Variants in ACSF2 observed in about 807,000 individuals in gnomAD.
The protein encoded by ACSF2 is acyl-CoA synthetase family member 2.
Under a neutral mutation model 79.3 loss-of-function variants are expected in ACSF2, and 52 were observed. The observed-to-expected ratio is 0.66, with a 90% CI of 0.53 to 0.83. ACSF2 has a LOEUF of 0.83. Ranked by LOEUF, ACSF2 falls within the 40% of genes least tolerant of loss-of-function variation. The pLI, the probability that ACSF2 is intolerant of heterozygous loss-of-function variation, is 0.00. For missense variants in ACSF2, 661 were observed against 803.3 expected (o/e 0.82, Z 2.14); for synonymous variants, 283 against 312.6 (o/e 0.91, Z 1.00).
At chr17:50,468,833 G>A in intron 10 of ACSF2, 2 of 1,477,974 alleles carry the variant, frequency 1.4e-6, no homozygotes, top group Non-Finnish European at 8.9e-7. Context: ...GCCTGGGGCC[G>A]GGGCTGGGGG....
At chr17:50,426,776 G>A (rs1024789633) in intron 1 of ACSF2, 114 of 985,416 alleles carry the variant, frequency 1.2e-4, no homozygotes, top group Non-Finnish European at 1.6e-4. Flanking sequence ...GGCAAACTTG[G>A]GGATCAGCCC....
At position 50,474,443 on chromosome 17, in the gene ACSF2, C is replaced by T; in HGVS notation, c.1798-59C>T. The stretch of plus-strand genomic sequence containing the variant: ...TTTGGCACTAAGAGCCTGAGAAACC[C>T]CTTATTCTTGGGTGAACCAAGACAG... On this transcript the variant is annotated intron_variant, in intron 15 of 15. Transcript: ENST00000300441. The surrounding 1 kb of genome is among the most constrained non-coding windows in gnomAD (Gnocchi z 4.2). 1 of 1,585,150 alleles carries T rather than the reference C, an allele frequency of 6.3e-7. No individual in the cohort carries two copies. The highest frequency in any genetic ancestry group is 1.1e-5 in the South Asian group (1 of 90,374).
intron 1 of ACSF2, among the ~76,000 whole-genome samples, chr17:50,427,157 G>A (rs1915069436): frequency 6.6e-6 from 1 of 152,170 alleles, no homozygotes; most frequent in African/African-American, 2.4e-5. Flanking sequence ...CACTCAACTC[G>A]GCCAGATACT....
chr17:50,468,025 C>G (rs2032850936), intron 10 of ACSF2: 1 of 1,562,228 alleles, frequency 6.4e-7, no homozygotes, highest in East Asian at 2.3e-5. Context: ...GCAGAGCCCA[C>G]AGCCAGGAGC....
chr17:50,431,561 C>A (rs2029927032), intron 1 of ACSF2, among the ~76,000 whole-genome samples: 1 of 152,232 alleles, frequency 6.6e-6, no homozygotes. Flanking sequence ...CTGGTGCCAT[C>A]ATAGCTTGCT....
At chr17:50,470,914 C>A in intron 10 of ACSF2, 114 bp from the exon 11 acceptor site, 4 of 773,048 alleles carry the variant, frequency 5.2e-6, no homozygotes, top group Admixed American at 4.3e-5. Context: ...CACCATTCGG[C>A]TGCCCTCCAC....
chr17:50,454,346 C>T (rs2031862587), intron 1 of ACSF2, among the ~76,000 whole-genome samples: 1 of 151,680 alleles, frequency 6.6e-6, no homozygotes, highest in Non-Finnish European at 1.5e-5. Flanking sequence ...TATCAATCTA[C>T]AAATATCCCA....
At position 50,462,421 on chromosome 17, in the gene ACSF2, C is replaced by T; in HGVS notation, c.628C>T (p.Leu210Phe). The T allele has an allele frequency of 1.2e-6, 2 of 1,613,382 alleles. No homozygotes were observed. The highest frequency in any genetic ancestry group is 8.5e-7 in the Non-Finnish European group (1 of 1,179,832). The change falls in exon 6 of 16, where the codon CTC becomes TTC. Residue 210 changes from leucine (L) to phenylalanine (F), a missense_variant and splice_region_variant. Leu to Phe is a conservative substitution (Grantham distance 22). Transcript: ENST00000300441. ...TCTCACCATCGTCCCCAACCCCAGG[C>T]TCCCAGATCTGACCACAGTCATCTC... ...AQPGALKSQR[L>F]PDLTTVISVD...
chr17:50,435,291 T>G (rs906704290), intron 1 of ACSF2, among the ~76,000 whole-genome samples: 2 of 152,250 alleles, frequency 1.3e-5, no homozygotes, highest in Non-Finnish European at 2.9e-5. Flanking sequence ...TTCAGAGTTC[T>G]GTATGTATTC....
At chr17:50,431,551 C>A (rs763121648) in intron 1 of ACSF2, among the ~76,000 whole-genome samples, 19 of 152,212 alleles carry the variant, frequency 1.2e-4, no homozygotes, top group Non-Finnish European at 2.8e-4. Context: ...GTTGTGAACC[C>A]TGGTGCCATC....
At chr17:50,428,910 C>T (rs1915272428) in intron 1 of ACSF2, among the ~76,000 whole-genome samples, 1 of 152,284 alleles carries the variant, frequency 6.6e-6, no homozygotes, top group African/African-American at 2.4e-5. Context: ...TCAGTCCTCA[C>T]CCTGCCAGGA....
Position 50,473,935 on chromosome 17 carries a change from T to G in ACSF2, c.1659T>G (p.Cys553Trp), listed in dbSNP as rs1488850870. The G allele has an allele frequency of 6.4e-7, 1 of 1,571,926 alleles. No homozygotes were observed. ...ACGATCGGATGGGGGAAGAGATTTG[T>G]GCCTGCATTCGGCTGAAGGACGGGG... Reference protein sequence around the residue: ...VKDDRMGEEICACIRLKDGEE... With the variant: ...VKDDRMGEEIWACIRLKDGEE... Residue 553 changes from cysteine (C) to tryptophan (W), a missense_variant, in exon 14 of 16, where the codon TGT (cysteine) becomes TGG (tryptophan). Physicochemically the swap from Cys to Trp is radical, Grantham distance 215 (BLOSUM62 -2). Transcript: ENST00000300441.
At position 50,463,137 on chromosome 17, in the gene ACSF2, GC is replaced by G; in HGVS notation, c.793-16del. The G allele has an allele frequency of 1.2e-6, 2 of 1,607,970 alleles. No individual in the cohort carries two copies. Among genetic ancestry groups the G allele is most frequent in the Admixed American group, 3.3e-5 (2 of 59,952 alleles). On this transcript the variant is annotated intron_variant, in intron 6 of 15. Transcript: ENST00000300441. The surrounding 1 kb of genome is among the most constrained non-coding windows in gnomAD (Gnocchi z 4.6). ...GGAGATGAGAAGGAGGCCAAGCCAT[GC>G]CCTGTTTGCCTTGTCAGGGGACAAC...
intron 10 of ACSF2, chr17:50,469,108 GC>G (rs1374505300): frequency 9.7e-6 from 11 of 1,133,188 alleles, no homozygotes; most frequent in Middle Eastern, 3.4e-4. Context: ...CCCGGCTGTA[GC>G]CCCCCGCTCT....
chr17:50,455,714 G>T (rs1465493797), intron 1 of ACSF2, among the ~76,000 whole-genome samples: 1 of 152,164 alleles, frequency 6.6e-6, no homozygotes, highest in African/African-American at 2.4e-5. Flanking sequence ...AAAACCAAGG[G>T]TGGGCGGAGG....
At chr17:50,469,432 A>G (rs3809765) in intron 10 of ACSF2, among the ~76,000 whole-genome samples, 92,016 of 152,078 alleles carry the variant, frequency 0.61, 29,436 homozygotes, top group African/African-American at 0.8. Context: ...CTCCCACTTC[A>G]GACTCGACGC....
In ACSF2 at chr17:50,426,298, C is replaced by T. The variant is rs1486065517; in HGVS notation, c.37C>T (p.Leu13=). ...CGTCGGGATGCTGCGCCTGGGGAGGCTGTGCGCCGGGAGCTCGGGGGTGCT... is the reference window on the plus strand; with the variant it reads ...CGTCGGGATGCTGCGCCTGGGGAGGTTGTGCGCCGGGAGCTCGGGGGTGCT... The part of the protein sequence containing the change: ...VYVGMLRLGR[L]CAGSSGVLGA... Residue 13 remains leucine (L), a synonymous_variant, in exon 1 of 16, where the codon CTG becomes TTG. Transcript: ENST00000300441. The T allele has an allele frequency of 7.1e-7, 1 of 1,416,222 alleles. No homozygotes were observed. Among genetic ancestry groups the T allele is most frequent in the East Asian group, 2.8e-5 (1 of 36,082 alleles). 87.7% of individuals were successfully genotyped at this position (1,416,222 alleles called of 1,614,324 possible).
chr17:50,432,440 A>C (rs898916707), intron 1 of ACSF2, among the ~76,000 whole-genome samples: 7 of 152,138 alleles, frequency 4.6e-5, no homozygotes. Context: ...TAGGAGGGAG[A>C]AGGTTCCAGC....
In ACSF2 at chr17:50,449,406, CT is replaced by C. The variant is rs1016128212; in HGVS notation, c.129-11259del. ...GTAATATGTATCAGTACTTCATTTC[CT>C]TTTTTTTTTTTCTTTGAGACTGAGT... On this transcript the variant is annotated intron_variant, in intron 1 of 15. Coordinates refer to ENST00000300441, the MANE Select transcript of ACSF2 (RefSeq NM_025149.6). Among the ~76,000 whole-genome samples the C allele has an allele frequency of 3.0e-3, 406 of 136,712 alleles. 1 individual carries two copies. The highest frequency in any genetic ancestry group is 8.7e-3 in the African/African-American group (325 of 37,288). 89.7% of individuals were successfully genotyped at this position (136,712 alleles called of 152,430 possible).
Sources: gnomAD v4.1 joint callset for allele counts (sites outside exome capture counted in the v4.1 genomes callset) on GRCh38, gnomAD v4.1.1 for gene constraint, Gnocchi (gnomAD v3.1) non-coding constraint, MANE v1.5 for transcripts, NCBI Gene and HGNC (gene_info 2026-07-23, HGNC 2026-07-21) for gene names.